Variants in OPA3 observed in about 807,000 individuals in gnomAD.
OPA3 encodes optic atrophy 3 protein.
OPA3 carries 6 observed loss-of-function variants against 4.0 expected under a neutral mutation model. The ratio of observed to expected loss-of-function variants is 1.51; its 90% CI spans 0.83 to 2.99. The LOEUF is 2.99. Among genes scored for constraint, OPA3 ranks in the 30% most tolerant of loss-of-function variants. The probability of loss-of-function intolerance (pLI) is 0.00; values close to 1 mark genes in which losing one functional copy is unlikely to be tolerated. For missense variants in OPA3, 235 were observed against 256.2 expected, an observed-to-expected ratio of 0.92 and a Z score of 0.56; for synonymous variants, 105 against 117.1, an observed-to-expected ratio of 0.90 and a Z score of 0.67.
At chr19:45,582,164 T>A (rs1178033358) in intron 1 of OPA3, among the ~76,000 whole-genome samples, 1 of 151,138 alleles carries the variant, frequency 6.6e-6, no homozygotes, top group African/African-American at 2.4e-5. Flanking sequence ...TTATTTTATT[T>A]TATTTTTTTT....
chr19:45,566,475 CT>C (rs544406295), intron 1 of OPA3, among the ~76,000 whole-genome samples: 1,285 of 102,156 alleles, frequency 0.013, 12 homozygotes, highest in African/African-American at 0.037. Context: ...TGATTTTTCT[CT>C]TTTTTTTTTT....
intron 1 of OPA3, among the ~76,000 whole-genome samples, chr19:45,538,303 C>T (rs1420865820): frequency 6.6e-6 from 1 of 151,808 alleles, no homozygotes; most frequent in Non-Finnish European, 1.5e-5. Flanking sequence ...TGCCTGTGGT[C>T]CCAGCTCATC....
chr19:45,570,027 A>G (rs745902721), intron 1 of OPA3, among the ~76,000 whole-genome samples: 4 of 152,226 alleles, frequency 2.6e-5, no homozygotes, highest in Non-Finnish European at 5.9e-5. Flanking sequence ...ACCGGGGTCA[A>G]TGACCGAGAT....
At chr19:45,580,355 G>A (rs1311409191) in intron 1 of OPA3, among the ~76,000 whole-genome samples, 4 of 135,034 alleles carry the variant, frequency 3.0e-5, no homozygotes, top group African/African-American at 8.4e-5. Flanking sequence ...GTGCAATGGC[G>A]TGATCTCGGC....
rs1262263494 is a variant in OPA3 at position 45,554,762 on chromosome 19, T to C, written c.143-851A>G. ...CCTTTTACTTTTAAGGTTTAGTAAT[T>C]ATTCATGAAAATGTATAAAAGATGA... On this transcript the variant is annotated intron_variant, in intron 1 of 1. Transcript: ENST00000263275. Among the ~76,000 whole-genome samples the C allele has an allele frequency of 2.0e-5, 3 of 152,234 alleles. No individual in the cohort carries two copies. The East Asian group carries it at 5.8e-4, about 29-fold the overall frequency.
At chr19:45,531,663 T>C (rs1031162403) in intron 1 of OPA3, among the ~76,000 whole-genome samples, 30 of 152,288 alleles carry the variant, frequency 2.0e-4, no homozygotes, top group African/African-American at 6.5e-4. Flanking sequence ...AATATCTTTT[T>C]CCACCTTCAC....
At chr19:45,577,151 T>C (rs1969781241) in intron 1 of OPA3, among the ~76,000 whole-genome samples, 1 of 152,200 alleles carries the variant, frequency 6.6e-6, no homozygotes, top group Non-Finnish European at 1.5e-5. Flanking sequence ...AATTCTGTGT[T>C]TAAAAAGATC....
At chr19:45,570,985 G>C (rs1471631005) in intron 1 of OPA3, among the ~76,000 whole-genome samples, 1 of 134,522 alleles carries the variant, frequency 7.4e-6, no homozygotes, top group Admixed American at 7.5e-5. Context: ...ATTTGGGGGG[G>C]GGGGGCATGA....
chr19:45,573,668 G>A (rs548991806), intron 1 of OPA3, among the ~76,000 whole-genome samples: 7 of 152,178 alleles, frequency 4.6e-5, no homozygotes, highest in African/African-American at 9.6e-5. Context: ...GTTCGAGGCC[G>A]CGCTGCAAAC....
chr19:45,550,016 GCGTGGGTGGTGGGCACATGTAAT>G lies in OPA3; in HGVS notation c.*3475_*3497del. ...CCACTAAAATACAAAAATTAGCCAG[GCGTGGGTGGTGGGCACATGTAAT>G]CCCAGCTACTTCGGAAGCTGAGGCA... On this transcript the variant is annotated 3_prime_UTR_variant, in exon 2 of 2. Transcript: ENST00000263275. The G allele has an allele frequency of 2.0e-6, 1 of 510,724 alleles. No individual in the cohort carries two copies. The highest frequency in any genetic ancestry group is 9.7e-4 in the Middle Eastern group (1 of 1,030). 31.6% of individuals were successfully genotyped at this position (510,724 alleles called of 1,614,324 possible). A position where few individuals can be genotyped will look rare whatever the true frequency, so the allele number is the denominator to read the frequency against.
At position 45,549,093 on chromosome 19, in the gene OPA3, C is replaced by T; in HGVS notation, c.*4421G>A. On this transcript the variant is annotated 3_prime_UTR_variant, in exon 2 of 2. Transcript: ENST00000263275. The stretch of plus-strand genomic sequence containing the variant: ...GTGCTAGGATTACAGGTGTGAGCCA[C>T]TGCGCCCAGTCCCAAGGACTTTTTA... The T allele has an allele frequency of 3.0e-6, 3 of 984,828 alleles. No individual in the cohort carries two copies. Among genetic ancestry groups the T allele is most frequent in the South Asian group, 9.4e-5 (2 of 21,276 alleles). The allele number at this position is 984,828 out of a possible 1,614,324, so 61.0% of individuals were successfully genotyped here.
At chr19:45,533,457 G>A (rs1461803574) in intron 1 of OPA3, among the ~76,000 whole-genome samples, 1 of 152,248 alleles carries the variant, frequency 6.6e-6, no homozygotes. Context: ...GCCTCCCAGA[G>A]TGCTGGGATT....
intron 1 of OPA3, among the ~76,000 whole-genome samples, chr19:45,583,593 C>G (rs897887288): frequency 6.6e-6 from 1 of 152,148 alleles, no homozygotes; most frequent in East Asian, 1.9e-4. Context: ...CCTCCACCTA[C>G]CAGGTTCAAG....
chr19:45,533,248 TG>T (rs1969079029), intron 1 of OPA3, among the ~76,000 whole-genome samples: 1 of 148,998 alleles, frequency 6.7e-6, no homozygotes, highest in Admixed American at 6.8e-5. Flanking sequence ...CAGGCTGGAG[TG>T]CAGTGGCGCA....
intron 1 of OPA3, among the ~76,000 whole-genome samples, chr19:45,561,810 A>G (rs1487125713): frequency 6.6e-6 from 1 of 151,750 alleles, no homozygotes; most frequent in Admixed American, 6.6e-5. Context: ...GCGTGGTGGC[A>G]GGCATCTGTA....
chr19:45,584,633 C>T lies in OPA3; in HGVS notation c.132G>A (p.Pro44=). 6.2e-7 allele frequency: 1 copy of T among 1,614,168 alleles called. No homozygotes were observed. The highest frequency in any genetic ancestry group is 8.5e-7 in the Non-Finnish European group (1 of 1,180,020). The change falls in exon 1 of 2, where the codon CCG becomes CCA. Residue 44 remains proline, a synonymous_variant. Transcript: ENST00000263275. ...TCGGGTCAGACTCACGTTGAGCCGGCGGGAGGCAGATATAGGTCTTGAAGA... is the reference window on the plus strand; with the variant it reads ...TCGGGTCAGACTCACGTTGAGCCGGTGGGAGGCAGATATAGGTCTTGAAGA... The part of the protein sequence containing the change: ...SEFFKTYICL[P]PAQLYHWVEM...
chr19:45,580,372 C>CTCACTCGGCTTG (rs1476130501), intron 1 of OPA3, among the ~76,000 whole-genome samples: 2 of 148,880 alleles, frequency 1.3e-5, no homozygotes, highest in Non-Finnish European at 3.0e-5. Context: ...CGGCTCACTG[C>CTCACTCGGCTTG]AACCTCCACC....
chr19:45,574,827 T>A lies in OPA3; in HGVS notation c.142+9796A>T, dbSNP rs1009981922. Among the ~76,000 whole-genome samples, 10 of 152,282 alleles carry A rather than the reference T, an allele frequency of 6.6e-5. 1 individual carries two copies. In the Middle Eastern group the frequency reaches 0.01, roughly 155 times the overall value. ...TAAATAACCTGCAGCTTCTGCTTCT[T>A]CCCTCATGAAAATCTGGCTGTTGGG... On this transcript the variant is annotated intron_variant, in intron 1 of 1. Transcript: ENST00000263275.
chr19:45,568,283 G>C (rs942918273), intron 1 of OPA3, among the ~76,000 whole-genome samples: 2 of 152,042 alleles, frequency 1.3e-5, no homozygotes, highest in Non-Finnish European at 2.9e-5. Flanking sequence ...TCTGCCTCCT[G>C]GTTTCAAGCC....
Sources: allele counts gnomAD v4.1 joint callset (sites outside exome capture counted in the v4.1 genomes callset), GRCh38; gene constraint gnomAD v4.1.1; transcripts MANE v1.5; gene names NCBI Gene and HGNC (gene_info 2026-07-23, HGNC 2026-07-21).